MDGA2: variants seen among roughly 807,000 people sequenced by gnomAD.
MDGA2 encodes MAM domain containing glycosylphosphatidylinositol anchor 2.
MDGA2 carries 40 observed loss-of-function variants against 117.8 expected under a neutral mutation model. The observed-to-expected ratio is 0.34, with a 90% CI of 0.26 to 0.44. MDGA2 has a LOEUF of 0.44. Ranked by LOEUF, MDGA2 falls within the 20% of genes least tolerant of loss-of-function variation. The pLI, the probability that MDGA2 is intolerant of heterozygous loss-of-function variation, is 1.00. For synonymous variants in MDGA2, 452 were observed against 439.0 expected (o/e 1.03, Z -0.37); for missense variants, 1,123 against 1,250.6 (o/e 0.90, Z 1.54).
At chr14:47,574,707 T>G (rs1566522788) in intron 1 of MDGA2, among the ~76,000 whole-genome samples, 1 of 152,224 alleles carries the variant, frequency 6.6e-6, no homozygotes, top group South Asian at 2.1e-4. Flanking sequence ...AACTTCTTAA[T>G]ACTTTACATA....
intron 8 of MDGA2, among the ~76,000 whole-genome samples, chr14:47,012,517 A>G (rs1887929793): frequency 6.6e-6 from 1 of 152,218 alleles, no homozygotes; most frequent in Non-Finnish European, 1.5e-5. Context: ...AAAGTAACAT[A>G]GAAGGCTTAA....
chr14:47,616,079 A>C (rs1896944236), intron 1 of MDGA2, among the ~76,000 whole-genome samples: 1 of 152,192 alleles, frequency 6.6e-6, no homozygotes, highest in African/African-American at 2.4e-5. Context: ...GGACCACAAA[A>C]TCTCAGCATA....
intron 1 of MDGA2, among the ~76,000 whole-genome samples, chr14:47,319,590 G>C (rs1294266206): frequency 1.3e-5 from 2 of 151,966 alleles, no homozygotes; most frequent in Non-Finnish European, 2.9e-5. Flanking sequence ...CTATAGACCT[G>C]ATAAAAATTA....
At chr14:46,929,373 A>T (rs1884448469) in intron 9 of MDGA2, among the ~76,000 whole-genome samples, 1 of 151,194 alleles carries the variant, frequency 6.6e-6, no homozygotes, top group South Asian at 2.1e-4. Context: ...TCAAACCCCT[A>T]AAAAGGGAAA....
intron 10 of MDGA2, among the ~76,000 whole-genome samples, chr14:46,887,371 A>C (rs183420860): frequency 6.9e-4 from 105 of 151,816 alleles, no homozygotes; most frequent in Middle Eastern, 3.4e-3. Context: ...ACCCAAAATG[A>C]CTCTTTTTGG....
chr14:46,927,549 G>A (rs2138534026), intron 9 of MDGA2, among the ~76,000 whole-genome samples: 1 of 152,098 alleles, frequency 6.6e-6, no homozygotes, highest in Admixed American at 6.6e-5. Context: ...ATGTATGCAG[G>A]AAATAAAAAC....
intron 1 of MDGA2, among the ~76,000 whole-genome samples, chr14:47,317,440 T>G (rs1300923157): frequency 2.0e-5 from 3 of 152,116 alleles, no homozygotes; most frequent in African/African-American, 7.2e-5. Context: ...TGTCATGATA[T>G]TTGTTTTGAA....
chr14:47,520,963 G>T (rs1566496413), intron 1 of MDGA2, among the ~76,000 whole-genome samples: 1 of 152,128 alleles, frequency 6.6e-6, no homozygotes, highest in African/African-American at 2.4e-5. Flanking sequence ...ACTTACACGA[G>T]AATTTTATTT....
intron 1 of MDGA2, among the ~76,000 whole-genome samples, chr14:47,511,152 A>G (rs950228556): frequency 6.6e-6 from 1 of 152,178 alleles, no homozygotes; most frequent in Admixed American, 6.5e-5. Context: ...TTGGGACAGT[A>G]CCTATCAGGA....
chr14:46,910,323 T>C (rs1347162670), intron 10 of MDGA2, among the ~76,000 whole-genome samples: 2 of 152,114 alleles, frequency 1.3e-5, no homozygotes, highest in South Asian at 2.1e-4. Flanking sequence ...TGCTATTTCA[T>C]TTGAAAAAAA....
chr14:47,497,123 G>A (rs976304223), intron 1 of MDGA2, among the ~76,000 whole-genome samples: 11 of 152,196 alleles, frequency 7.2e-5, no homozygotes, highest in East Asian at 3.9e-4. Flanking sequence ...GTGACCCTGC[G>A]GGTTGGAGAC....
chr14:47,096,850 T>G lies in MDGA2; in HGVS notation c.1195+4A>C, dbSNP rs1880001074. On this transcript the variant is annotated splice_donor_region_variant and intron_variant, in intron 6 of 16. Coordinates refer to ENST00000399232, the MANE Select transcript of MDGA2 (RefSeq NM_001113498.3). ...ACGTTGTAACATTCTTTCAGCAAAC[T>G]TACCTCTCACAATGATGTTGGTGGA... 2 of 1,611,086 alleles carry G rather than the reference T, an allele frequency of 1.2e-6. No homozygotes were observed. The highest frequency in any genetic ancestry group is 1.3e-5 in the African/African-American group (1 of 74,800).
At chr14:47,040,207 G>C (rs1218851826) in intron 7 of MDGA2, among the ~76,000 whole-genome samples, 3 of 151,928 alleles carry the variant, frequency 2.0e-5, no homozygotes, top group Non-Finnish European at 1.5e-5. Flanking sequence ...CAAGGTAATT[G>C]GGCACTAATT....
In MDGA2 at chr14:47,097,019, G is replaced by C. The variant is rs1356198129; in HGVS notation, c.1030C>G (p.Leu344Val). 3 of 1,613,222 alleles carry C rather than the reference G, an allele frequency of 1.9e-6. No individual in the cohort carries two copies. The highest frequency in any genetic ancestry group is 2.5e-6 in the Non-Finnish European group (3 of 1,179,496). Residue 344 changes from leucine to valine, a missense_variant, in exon 6 of 17, where the codon CTC becomes GTC. Physicochemically the swap from Leu to Val is conservative, Grantham distance 32. Transcript: ENST00000399232. ...VTTGGEPAPS[L>V]TWVRSFGTLP... ...GTCCCAAAGGACCTGACCCAGGTGA[G>C]AGAAGGTGCAGGCTCTCCTCCTGTT...
chr14:47,179,291 T>A lies in MDGA2; in HGVS notation c.596-35017A>T, dbSNP rs1336213858. Among the ~76,000 whole-genome samples, 3 of 152,232 alleles carry A rather than the reference T, an allele frequency of 2.0e-5. No homozygotes were observed. In the East Asian group the frequency reaches 5.8e-4, roughly 29 times the overall value. On this transcript the variant is annotated intron_variant, in intron 3 of 16. Transcript: ENST00000399232. Reference sequence around the variant, plus strand: ...AATAAAAATATTTATACTTATGTTTTCTACTTTTGATAGAATCATTACTTG... The same window carrying A: ...AATAAAAATATTTATACTTATGTTTACTACTTTTGATAGAATCATTACTTG...
intron 1 of MDGA2, among the ~76,000 whole-genome samples, chr14:47,417,637 C>T (rs1892501216): frequency 6.6e-6 from 1 of 152,136 alleles, no homozygotes; most frequent in Admixed American, 6.6e-5. Context: ...CAGCCTCTAC[C>T]CTTTACCCAA....
intron 1 of MDGA2, 34 bp from the exon 2 acceptor site, chr14:47,301,584 T>A: frequency 6.4e-7 from 1 of 1,550,668 alleles, no homozygotes; most frequent in South Asian, 1.2e-5. Context: ...ACAAGATACA[T>A]GAAAAGGTAA....
At chr14:47,551,854 C>T (rs149282298) in intron 1 of MDGA2, among the ~76,000 whole-genome samples, 4 of 151,720 alleles carry the variant, frequency 2.6e-5, no homozygotes, top group African/African-American at 9.7e-5. Context: ...CCCGGTAGAT[C>T]TTATCTTTAT....
chr14:47,540,563 T>TATATACATACAC (rs370481455), intron 1 of MDGA2, among the ~76,000 whole-genome samples: 1 of 112,522 alleles, frequency 8.9e-6, no homozygotes, highest in East Asian at 3.0e-4. Context: ...TGTATATATA[T>TATATACATACAC]ACACACACAC....
Sources: allele counts gnomAD v4.1 joint callset (sites outside exome capture counted in the v4.1 genomes callset), GRCh38; gene constraint gnomAD v4.1.1; transcripts MANE v1.5; gene names NCBI Gene and HGNC (gene_info 2026-07-23, HGNC 2026-07-21).